Variants in ANXA8 observed in about 807,000 individuals in gnomAD.
ANXA8 encodes VAC-beta.
In ANXA8, 9 loss-of-function variants were observed where a neutral mutation model predicts 26.8. The ratio of observed to expected loss-of-function variants is 0.34; its 90% CI spans 0.20 to 0.59. ANXA8 has a LOEUF of 0.59. ANXA8 is among the 20% of genes least tolerant of loss of function. The pLI is 0.84. For missense variants in ANXA8, 83 were observed against 238.5 expected (o/e 0.35, Z 4.29); for synonymous variants, 39 against 94.8 (o/e 0.41, Z 3.42).
At chr10:47,628,037 T>C in the ANXA8 span, among the ~76,000 whole-genome samples, 2 of 150,782 alleles carry the variant, frequency 1.3e-5, no homozygotes, top group South Asian at 2.1e-4. Context: ...TTTATTTTAT[T>C]TGCAATAGAT....
chr10:47,662,541 T>C, the ANXA8 span, among the ~76,000 whole-genome samples: 1 of 151,586 alleles, frequency 6.6e-6, no homozygotes, highest in African/African-American at 2.4e-5. Context: ...TCTTCCTTAG[T>C]AAATTTCCTA....
At chr10:47,916,728 A>G in the ANXA8 span, among the ~76,000 whole-genome samples, 2 of 129,788 alleles carry the variant, frequency 1.5e-5, no homozygotes, top group Non-Finnish European at 3.6e-5. Flanking sequence ...CACAAGAGCT[A>G]GGGTTCAGGC....
the ANXA8 span, chr10:47,753,206 C>A: frequency 1.1e-6 from 1 of 915,174 alleles, no homozygotes; most frequent in Non-Finnish European, 1.3e-6. Flanking sequence ...AACGTGTTGA[C>A]GTGCAGGCTG....
chr10:47,621,611 T>C, the ANXA8 span, among the ~76,000 whole-genome samples: 1 of 108,834 alleles, frequency 9.2e-6, no homozygotes, highest in South Asian at 3.0e-4. Context: ...CTCCTTGGTT[T>C]CCATTTTGTT....
At chr10:47,749,674 G>GC in the ANXA8 span, among the ~76,000 whole-genome samples, 1 of 151,200 alleles carries the variant, frequency 6.6e-6, no homozygotes, top group East Asian at 1.9e-4. Flanking sequence ...CCAATGGTAG[G>GC]GGGGGAAACG....
chr10:47,676,527 A>C, the ANXA8 span, among the ~76,000 whole-genome samples: 2 of 151,876 alleles, frequency 1.3e-5, no homozygotes, highest in Non-Finnish European at 2.9e-5. Flanking sequence ...TCCATGTTTT[A>C]GGACCAGAAA....
At chr10:47,597,064 A>G in the ANXA8 span, among the ~76,000 whole-genome samples, 1 of 149,376 alleles carries the variant, frequency 6.7e-6, no homozygotes, top group East Asian at 1.9e-4. Flanking sequence ...TACAATATCA[A>G]GTGAACTTTA....
chr10:47,901,688 CCT>C, the ANXA8 span, among the ~76,000 whole-genome samples: 2 of 122,014 alleles, frequency 1.6e-5, 1 homozygote. Context: ...TTCTATACGT[CCT>C]GTTTCTTAAA....
the ANXA8 span, among the ~76,000 whole-genome samples, chr10:47,669,726 C>CA: frequency 3.3e-5 from 5 of 151,448 alleles, no homozygotes; most frequent in African/African-American, 4.9e-5. Flanking sequence ...AAAACAAAAA[C>CA]AAAAAAACCC....
intron 1 of ANXA8, 21 bp downstream of exon 1, chr10:47,483,892 C>G: frequency 6.2e-7 from 1 of 1,611,782 alleles, no homozygotes; most frequent in South Asian, 1.1e-5. Context: ...GAACCCAAAT[C>G]TCCTGCCAGC....
the ANXA8 span, among the ~76,000 whole-genome samples, chr10:47,558,781 CCT>C: frequency 2.0e-5 from 3 of 151,764 alleles, no homozygotes; most frequent in Non-Finnish European, 2.9e-5. Context: ...GTTCTGTGCC[CCT>C]GTTTGATCTC....
chr10:47,554,060 C>G, the ANXA8 span, among the ~76,000 whole-genome samples: 168 of 148,650 alleles, frequency 1.1e-3, 3 homozygotes, highest in Admixed American at 8.7e-3. Flanking sequence ...TTGCTTGAGC[C>G]CAGGAGTTCA....
chr10:47,496,980 A>T, the ANXA8 span, among the ~76,000 whole-genome samples: 1 of 146,982 alleles, frequency 6.8e-6, no homozygotes, highest in Non-Finnish European at 1.5e-5. Context: ...AGATCTTAGG[A>T]GAAATACTTG....
the ANXA8 span, among the ~76,000 whole-genome samples, chr10:47,651,783 A>G: frequency 6.6e-6 from 1 of 151,942 alleles, no homozygotes; most frequent in Non-Finnish European, 1.5e-5. Context: ...AATTCCAGCT[A>G]CTTGGGAGGC....
the ANXA8 span, among the ~76,000 whole-genome samples, chr10:47,590,806 A>C: frequency 7.3e-6 from 1 of 137,360 alleles, no homozygotes; most frequent in Non-Finnish European, 1.5e-5. Context: ...AATACTCATC[A>C]CACCATCATG....
chr10:47,676,172 A>AT, the ANXA8 span, among the ~76,000 whole-genome samples: 1 of 151,566 alleles, frequency 6.6e-6, no homozygotes, highest in South Asian at 2.1e-4. Flanking sequence ...TAGAAAAGAG[A>AT]TTTTAGATCT....
chr10:47,597,664 A>AG, the ANXA8 span, among the ~76,000 whole-genome samples: 6 of 40,402 alleles, frequency 1.5e-4, no homozygotes, highest in African/African-American at 5.2e-4. Flanking sequence ...CAAGAGCCAC[A>AG]GAAAAAAAAA....
chr10:47,595,560 A>G, the ANXA8 span, among the ~76,000 whole-genome samples: 1 of 149,444 alleles, frequency 6.7e-6, no homozygotes, highest in African/African-American at 2.6e-5. Flanking sequence ...GTAAAGGGAT[A>G]GAGAAAGATT....
chr10:47,669,671 T>A, the ANXA8 span, among the ~76,000 whole-genome samples: 1 of 151,716 alleles, frequency 6.6e-6, no homozygotes, highest in African/African-American at 2.4e-5. Context: ...GCTGAGATCA[T>A]GTCACTGTAC....
Sources: gnomAD v4.1 joint callset for allele counts (sites outside exome capture counted in the v4.1 genomes callset) on GRCh38, gnomAD v4.1.1 for gene constraint, MANE v1.5 for transcripts, NCBI Gene and HGNC (gene_info 2026-07-23, HGNC 2026-07-21) for gene names.